KCNH8: variants seen among roughly 807,000 people sequenced by gnomAD.
The protein encoded by KCNH8 is potassium voltage-gated channel subfamily H member 8, also known as voltage-gated delayed rectifier potassium channel KCNH8.
In KCNH8, 70 loss-of-function variants were observed where a neutral mutation model predicts 103.6. That is an observed-to-expected ratio of 0.68 (90% CI 0.56 to 0.82). KCNH8 has a LOEUF of 0.82. Among genes scored for constraint, KCNH8 ranks in the 40% least tolerant of loss-of-function variants. The pLI is 0.00. For missense variants in KCNH8, 1,217 were observed against 1,329.9 expected, an observed-to-expected ratio of 0.92 and a Z score of 1.32; for synonymous variants, 498 against 489.4, an observed-to-expected ratio of 1.02 and a Z score of -0.23.
At chr3:19,390,154 A>G (rs1575004575) in intron 5 of KCNH8, among the ~76,000 whole-genome samples, 1 of 152,088 alleles carries the variant, frequency 6.6e-6, no homozygotes, top group Non-Finnish European at 1.5e-5. Flanking sequence ...TATTGCTACG[A>G]TTATTTATTT....
chr3:19,512,511 A>G (rs1017255815), intron 12 of KCNH8, among the ~76,000 whole-genome samples: 5 of 152,140 alleles, frequency 3.3e-5, no homozygotes, highest in African/African-American at 9.7e-5. Flanking sequence ...GAATAATGCA[A>G]TTTTGCTGGT....
intron 15 of KCNH8, among the ~76,000 whole-genome samples, chr3:19,522,308 C>T (rs2125248703): frequency 6.6e-6 from 1 of 151,668 alleles, no homozygotes; most frequent in African/African-American, 2.4e-5. Flanking sequence ...TTCCGAAGTC[C>T]TAAAAACCAG....
In KCNH8 at chr3:19,268,509, G is replaced by A. The variant is rs58001754; in HGVS notation, c.311-12689G>A. Reference sequence around the variant, plus strand: ...AGGTAAACCAAGTTAGATCACTTGGGATTTTGTCGACTATTCTCAGGCTAT... The same window carrying A: ...AGGTAAACCAAGTTAGATCACTTGGAATTTTGTCGACTATTCTCAGGCTAT... On this transcript the variant is annotated intron_variant, in intron 2 of 15. Transcript: ENST00000328405. Among the ~76,000 whole-genome samples the A allele has an allele frequency of 1.7e-3, 252 of 152,204 alleles. 2 individuals are homozygous for A. Among genetic ancestry groups the A allele is most frequent in the African/African-American group, 5.9e-3 (245 of 41,536 alleles).
chr3:19,296,312 T>C (rs1160638530), intron 3 of KCNH8, among the ~76,000 whole-genome samples: 1 of 152,138 alleles, frequency 6.6e-6, no homozygotes, highest in African/African-American at 2.4e-5. Context: ...GGATGAAAAT[T>C]TTGCCCAAGT....
chr3:19,204,307 A>T (rs2063691477), intron 1 of KCNH8, among the ~76,000 whole-genome samples: 1 of 152,010 alleles, frequency 6.6e-6, no homozygotes, highest in African/African-American at 2.4e-5. Context: ...CTATAATGGA[A>T]CAGTTCTTAG....
At chr3:19,453,996 C>T (rs2067491176) in intron 10 of KCNH8, among the ~76,000 whole-genome samples, 1 of 152,060 alleles carries the variant, frequency 6.6e-6, no homozygotes, top group South Asian at 2.1e-4. Context: ...AAATTTGTGA[C>T]TCAGTTCTTG....
intron 5 of KCNH8, among the ~76,000 whole-genome samples, chr3:19,377,152 T>C (rs192916730): frequency 6.6e-6 from 1 of 152,330 alleles, no homozygotes; most frequent in African/African-American, 2.4e-5. Context: ...TTAACAGCTG[T>C]AGCAGCCAAC....
At chr3:19,155,758 G>A (rs1441143510) in intron 1 of KCNH8, among the ~76,000 whole-genome samples, 2 of 152,132 alleles carry the variant, frequency 1.3e-5, no homozygotes, top group African/African-American at 2.4e-5. Flanking sequence ...CTTCTCTGAG[G>A]CTCCGAGTAA....
At chr3:19,429,581 TTTTTAAC>T (rs928845784) in intron 7 of KCNH8, among the ~76,000 whole-genome samples, 21 of 152,346 alleles carry the variant, frequency 1.4e-4, no homozygotes, top group Middle Eastern at 3.4e-3. Context: ...CAGTTTCTTT[TTTTTAAC>T]TTTTAAGTTT....
chr3:19,331,199 T>G (rs913000484), intron 3 of KCNH8, among the ~76,000 whole-genome samples: 7 of 151,400 alleles, frequency 4.6e-5, no homozygotes, highest in Non-Finnish European at 8.8e-5. Flanking sequence ...TAGCTACATG[T>G]TGACTTTGAG....
chr3:19,384,933 G>A (rs1270769104), intron 5 of KCNH8, among the ~76,000 whole-genome samples: 1 of 152,160 alleles, frequency 6.6e-6, no homozygotes, highest in Non-Finnish European at 1.5e-5. Context: ...TGGGTGGGTG[G>A]AGGTAGAACC....
chr3:19,344,986 G>A lies in KCNH8; in HGVS notation c.570+2272G>A, dbSNP rs369470437. On this transcript the variant is annotated intron_variant, in intron 4 of 15. Coordinates refer to ENST00000328405, the MANE Select transcript of KCNH8 (RefSeq NM_144633.3). Reference sequence around the variant, plus strand: ...TCTGACTCTTACCTTGCTGCTTCTCGGATACAGTTCTGTGGAACAGGAATA... The same window carrying A: ...TCTGACTCTTACCTTGCTGCTTCTCAGATACAGTTCTGTGGAACAGGAATA... Among the ~76,000 whole-genome samples the A allele has an allele frequency of 3.6e-4, 55 of 151,942 alleles. 1 individual carries two copies. The highest frequency in any genetic ancestry group is 1.2e-3 in the African/African-American group (51 of 41,380).
At chr3:19,245,759 A>G (rs1342742388) in intron 1 of KCNH8, among the ~76,000 whole-genome samples, 1 of 152,156 alleles carries the variant, frequency 6.6e-6, no homozygotes, top group Non-Finnish European at 1.5e-5. Context: ...ATTGGTGTAT[A>G]GAAATGGTAT....
intron 7 of KCNH8, among the ~76,000 whole-genome samples, chr3:19,405,778 A>G (rs2066682287): frequency 6.6e-6 from 1 of 151,928 alleles, no homozygotes; most frequent in Non-Finnish European, 1.5e-5. Flanking sequence ...ATTTTATCAA[A>G]CCATATTTGT....
chr3:19,518,559 T>C (rs903473115), intron 15 of KCNH8, among the ~76,000 whole-genome samples: 1 of 152,004 alleles, frequency 6.6e-6, no homozygotes, highest in African/African-American at 2.4e-5. Context: ...TCTCTAAATC[T>C]TACTATCTAT....
chr3:19,426,108 A>C (rs2067025099), intron 7 of KCNH8, among the ~76,000 whole-genome samples: 1 of 152,064 alleles, frequency 6.6e-6, no homozygotes. Context: ...AAGGCCTGGG[A>C]TAGCCAGAGC....
intron 1 of KCNH8, among the ~76,000 whole-genome samples, chr3:19,247,771 A>C (rs2064224820): frequency 6.6e-6 from 1 of 152,200 alleles, no homozygotes; most frequent in African/African-American, 2.4e-5. Context: ...TTTCTGTATG[A>C]TGCCAAGTCA....
intron 2 of KCNH8, among the ~76,000 whole-genome samples, chr3:19,259,998 A>T (rs1472233992): frequency 6.6e-6 from 1 of 151,572 alleles, no homozygotes; most frequent in Non-Finnish European, 1.5e-5. Flanking sequence ...TAGCATTGGG[A>T]TGGGTAGAGG....
chr3:19,200,246 C>G (rs1302677575), intron 1 of KCNH8, among the ~76,000 whole-genome samples: 1 of 151,882 alleles, frequency 6.6e-6, no homozygotes, highest in Non-Finnish European at 1.5e-5. Flanking sequence ...AAAAGATGAT[C>G]TTGAGAAGTT....
Sources: allele counts gnomAD v4.1 joint callset (sites outside exome capture counted in the v4.1 genomes callset), GRCh38; gene constraint gnomAD v4.1.1; transcripts MANE v1.5; gene names NCBI Gene and HGNC (gene_info 2026-07-23, HGNC 2026-07-21).